The following FNBP1 variants were observed in gnomAD, a reference collection of about 807,000 sequenced individuals.
FNBP1 encodes the protein formin-binding protein 1.
In FNBP1, 26 loss-of-function variants were observed where a neutral mutation model predicts 90.6. That is an observed-to-expected ratio of 0.29 (90% CI 0.21 to 0.40). FNBP1 has a LOEUF of 0.40. FNBP1 is among the 10% of genes least tolerant of loss of function. The pLI, the probability that FNBP1 is intolerant of heterozygous loss-of-function variation, is 1.00. For synonymous variants in FNBP1, 260 were observed against 265.2 expected (o/e 0.98, Z 0.19); for missense variants, 635 against 768.0 (o/e 0.83, Z 2.05).
chr9:129,939,692 T>C (rs1294351767), intron 6 of FNBP1, among the ~76,000 whole-genome samples: 1 of 152,140 alleles, frequency 6.6e-6, no homozygotes, highest in Admixed American at 6.5e-5. Flanking sequence ...AGTTCCAGGT[T>C]GTCTGGCAGA....
chr9:130,049,121 G>A, the FNBP1 span, among the ~76,000 whole-genome samples: 1 of 151,862 alleles, frequency 6.6e-6, no homozygotes, highest in East Asian at 2.0e-4. Context: ...ATGCACAGTG[G>A]CTCATGCCTG....
chr9:129,997,963 G>C (rs2054254265), intron 1 of FNBP1, among the ~76,000 whole-genome samples: 1 of 151,846 alleles, frequency 6.6e-6, no homozygotes. Context: ...ATGGTGGGCG[G>C]ATCACTTGAG....
intron 1 of FNBP1, among the ~76,000 whole-genome samples, chr9:129,998,526 A>C (rs7031466): frequency 0.84 from 127,086 of 150,824 alleles, 53,930 homozygotes; most frequent in East Asian, 0.89. Flanking sequence ...AAAAAAAAAA[A>C]ACAAAAAAGC....
intron 10 of FNBP1, among the ~76,000 whole-genome samples, chr9:129,917,933 A>G (rs547845477): frequency 6.6e-6 from 1 of 152,326 alleles, no homozygotes; most frequent in South Asian, 2.1e-4. Flanking sequence ...AACTCCAAGT[A>G]TCTTTCCTAC....
At chr9:130,024,132 TCAGTGG>T (rs1002859979) in intron 1 of FNBP1, among the ~76,000 whole-genome samples, 1 of 152,016 alleles carries the variant, frequency 6.6e-6, no homozygotes, top group Non-Finnish European at 1.5e-5. Flanking sequence ...TTGGCCAGGC[TCAGTGG>T]CTCATGCCTG....
chr9:130,050,083 A>C, the FNBP1 span, among the ~76,000 whole-genome samples: 1 of 152,242 alleles, frequency 6.6e-6, no homozygotes, highest in South Asian at 2.1e-4. Flanking sequence ...GTGAAGAACT[A>C]CTTCTAATGA....
At chr9:129,905,075 C>CT (rs2131419513) in intron 12 of FNBP1, among the ~76,000 whole-genome samples, 1 of 151,696 alleles carries the variant, frequency 6.6e-6, no homozygotes, top group African/African-American at 2.4e-5. Context: ...TTATGATGTC[C>CT]TTTCCGAAAC....
chr9:130,004,006 C>G (rs762627515), intron 1 of FNBP1, among the ~76,000 whole-genome samples: 6 of 151,202 alleles, frequency 4.0e-5, no homozygotes, highest in East Asian at 2.0e-4. Context: ...TTCAGAAAAG[C>G]TATTTACTTT....
At position 129,931,812 on chromosome 9, in the gene FNBP1, C is replaced by T. The variant is rs867187107; in HGVS notation, c.514-2117G>A. Among the ~76,000 whole-genome samples, 53 of 149,480 alleles carry T rather than the reference C, an allele frequency of 3.5e-4. 1 individual carries two copies. The highest frequency in any genetic ancestry group is 1.4e-3 in the Admixed American group (21 of 14,988). On this transcript the variant is annotated intron_variant, in intron 6 of 16. Transcript: ENST00000446176. ...GACTGTTTCAAAAAACAAAACAAAA[C>T]ACCAAACAAACAAAAACAAGAAAAT...
At chr9:129,973,961 C>A (rs765403584) in intron 4 of FNBP1, among the ~76,000 whole-genome samples, 2 of 152,004 alleles carry the variant, frequency 1.3e-5, no homozygotes, top group East Asian at 1.9e-4. Flanking sequence ...CAGGCATGCA[C>A]CATCATGCCC....
the FNBP1 span, among the ~76,000 whole-genome samples, chr9:130,048,290 T>TG: frequency 9.3e-6 from 1 of 107,828 alleles, no homozygotes; most frequent in East Asian, 3.3e-4. Flanking sequence ...CACTCCAGCC[T>TG]GGCGACAGAG....
At chr9:129,915,575 G>A (rs573255223) in intron 11 of FNBP1, among the ~76,000 whole-genome samples, 1 of 152,214 alleles carries the variant, frequency 6.6e-6, no homozygotes. Context: ...TGTTGCCCGG[G>A]TTGGTCTCGA....
chr9:129,967,577 C>A (rs989305410), intron 4 of FNBP1, among the ~76,000 whole-genome samples: 1 of 152,072 alleles, frequency 6.6e-6, no homozygotes, highest in Admixed American at 6.6e-5. Flanking sequence ...CACTCTGGAG[C>A]CATCATTCAC....
At chr9:129,970,849 G>A (rs185719562) in intron 4 of FNBP1, among the ~76,000 whole-genome samples, 1 of 152,060 alleles carries the variant, frequency 6.6e-6, no homozygotes, top group Non-Finnish European at 1.5e-5. Context: ...GTTCTTGCAG[G>A]GGAGAAAGGT....
intron 4 of FNBP1, among the ~76,000 whole-genome samples, chr9:129,960,233 C>T (rs1408568826): frequency 2.0e-5 from 3 of 151,274 alleles, no homozygotes; most frequent in East Asian, 3.9e-4. Context: ...AAAAACTGGC[C>T]GGGCGTGGTG....
rs566187089 is a variant in FNBP1, at chr9:129,900,225, A to G, written c.1551-124T>C. ...CTCAGCGAGTGCTGTAACTGAGGCC[A>G]TGGTAAATCATCGCACGCTCAGATC... On this transcript the variant is annotated intron_variant, in intron 14 of 16. Coordinates refer to ENST00000446176, the MANE Select transcript of FNBP1 (RefSeq NM_015033.3). This position sits in a 1 kb window ranked among gnomAD's most constrained non-coding sequence, Gnocchi z 4.1. 2 of 1,200,182 alleles carry G rather than the reference A, an allele frequency of 1.7e-6. No homozygotes were observed. Among genetic ancestry groups the G allele is most frequent in the South Asian group, 3.4e-5 (2 of 58,474 alleles). The allele number at this position is 1,200,182 out of a possible 1,614,324, so 74.3% of individuals were successfully genotyped here.
chr9:129,968,176 C>A (rs979358414), intron 4 of FNBP1, among the ~76,000 whole-genome samples: 1 of 152,096 alleles, frequency 6.6e-6, no homozygotes, highest in Non-Finnish European at 1.5e-5. Context: ...AGGCAGATCA[C>A]CTGAGGTCAG....
chr9:130,017,906 A>C, intron 1 of FNBP1, among the ~76,000 whole-genome samples: 2 of 141,530 alleles, frequency 1.4e-5, no homozygotes, highest in African/African-American at 5.3e-5. Flanking sequence ...TCCCCAATAC[A>C]ACACTCTTCT....
chr9:129,896,389 G>A (rs894495436), intron 15 of FNBP1, among the ~76,000 whole-genome samples: 8 of 151,904 alleles, frequency 5.3e-5, no homozygotes, highest in Non-Finnish European at 1.2e-4. Context: ...TTATTTTTTG[G>A]GGGGGTTGTG....
Sources: gnomAD v4.1 joint callset for allele counts (sites outside exome capture counted in the v4.1 genomes callset) on GRCh38, gnomAD v4.1.1 for gene constraint, Gnocchi (gnomAD v3.1) non-coding constraint, MANE v1.5 for transcripts, NCBI Gene and HGNC (gene_info 2026-07-23, HGNC 2026-07-21) for gene names.